PMP22: variants seen among roughly 807,000 people sequenced by gnomAD.
PMP22 encodes the protein peripheral myelin protein 22.
A neutral mutation model predicts 18.9 loss-of-function variants in PMP22; 2 were observed. That is an observed-to-expected ratio of 0.11 (90% CI 0.04 to 0.33). The LOEUF (loss-of-function observed/expected upper bound fraction) is 0.33. Among genes scored for constraint, PMP22 ranks in the 10% least tolerant of loss-of-function variants. PMP22 has a pLI of 1.00. For synonymous variants in PMP22, 95 were observed against 89.2 expected, an observed-to-expected ratio of 1.07 and a Z score of -0.37; for missense variants, 169 against 202.2, an observed-to-expected ratio of 0.84 and a Z score of 1.00.
chr17:15,264,788 G>C (rs558247890), intron 1 of PMP22, among the ~76,000 whole-genome samples: 5 of 152,250 alleles, frequency 3.3e-5, no homozygotes, highest in Admixed American at 6.5e-5. Flanking sequence ...AGCCCGGCTG[G>C]CCAAGGCTCT....
chr17:15,259,895 G>T (rs1909159260), intron 2 of PMP22, among the ~76,000 whole-genome samples: 2 of 147,642 alleles, frequency 1.4e-5, no homozygotes, highest in South Asian at 4.3e-4. Flanking sequence ...CCAAGATCAT[G>T]GCACTGCACT....
chr17:15,244,296 C>G (rs1907600846), intron 3 of PMP22, among the ~76,000 whole-genome samples: 1 of 152,058 alleles, frequency 6.6e-6, no homozygotes, highest in African/African-American at 2.4e-5. Flanking sequence ...TAAGTGATAG[C>G]TACCTGCAGA....
intron 4 of PMP22, among the ~76,000 whole-genome samples, chr17:15,237,144 G>A (rs940461449): frequency 1.3e-5 from 2 of 152,212 alleles, no homozygotes; most frequent in Non-Finnish European, 2.9e-5. Flanking sequence ...TGACTTTGGA[G>A]GAGAATGAAA....
intron 4 of PMP22, among the ~76,000 whole-genome samples, chr17:15,235,667 TC>T (rs1328518771): frequency 2.6e-5 from 4 of 152,160 alleles, no homozygotes; most frequent in Admixed American, 6.5e-5. Flanking sequence ...TAAATGCACA[TC>T]AGAGTCACCT....
chr17:15,231,220 T>C (rs551680193), intron 4 of PMP22, 140 bp from the exon 5 acceptor site: 2 of 857,102 alleles, frequency 2.3e-6, no homozygotes, highest in African/African-American at 1.7e-5. Context: ...AGGTCCAGAA[T>C]TGAAAGGAGG....
intron 3 of PMP22, among the ~76,000 whole-genome samples, chr17:15,252,902 G>T: frequency 6.6e-6 from 1 of 152,290 alleles, no homozygotes; most frequent in South Asian, 2.1e-4. Context: ...CTCCCAAGCC[G>T]CCTGTGGCTT....
chr17:15,239,363 G>A, intron 4 of PMP22, 108 bp downstream of exon 4: 1 of 1,255,238 alleles, frequency 8.0e-7, no homozygotes, highest in Non-Finnish European at 1.2e-6. Context: ...CCAGTGGGGA[G>A]ACTCATGAAC....
At position 15,239,655 on chromosome 17, in the gene PMP22, G is replaced by C. The variant is rs1242605594; in HGVS notation, c.179-44C>G. On this transcript the variant is annotated intron_variant, in intron 3 of 4. Coordinates refer to ENST00000312280, the MANE Select transcript of PMP22 (RefSeq NM_000304.4). ...TGGTTAGGAGAGCTGGCCATGGCCG[G>C]GGGAGGGCTCTGCCTCGAGGTGCAG... 4 of 1,610,660 alleles carry C rather than the reference G, an allele frequency of 2.5e-6. No homozygotes were observed. In the East Asian group the frequency reaches 8.9e-5, roughly 36 times the overall value.
At chr17:15,235,290 G>C in intron 4 of PMP22, 1 of 717,460 alleles carries the variant, frequency 1.4e-6, no homozygotes, top group Non-Finnish European at 2.6e-6. Flanking sequence ...TGATTCTGCC[G>C]AGGAAACACA....
At chr17:15,253,594 C>G (rs949520655) in intron 3 of PMP22, among the ~76,000 whole-genome samples, 9 of 152,068 alleles carry the variant, frequency 5.9e-5, no homozygotes, top group Non-Finnish European at 1.0e-4. Flanking sequence ...TCCATGTGCA[C>G]CCAACTCCTT....
intron 3 of PMP22, among the ~76,000 whole-genome samples, chr17:15,250,053 C>A (rs1344052979): frequency 1.3e-5 from 2 of 152,080 alleles, no homozygotes; most frequent in African/African-American, 2.4e-5. Context: ...GTAGCTGGGA[C>A]TACAGGCACC....
intron 3 of PMP22, among the ~76,000 whole-genome samples, chr17:15,245,732 GCGC>G (rs1907741870): frequency 6.6e-6 from 1 of 152,082 alleles, no homozygotes; most frequent in Non-Finnish European, 1.5e-5. Context: ...CACAGGCCGG[GCGC>G]AGTGGGTCAC....
chr17:15,240,804 C>T (rs1174025709), intron 3 of PMP22, among the ~76,000 whole-genome samples: 1 of 152,166 alleles, frequency 6.6e-6, no homozygotes, highest in Non-Finnish European at 1.5e-5. Context: ...CAGTAACTGC[C>T]ATATGTAATG....
At chr17:15,262,526 G>C (rs1432670830) in intron 1 of PMP22, 1 of 152,328 alleles carries the variant, frequency 6.6e-6, no homozygotes, top group Non-Finnish European at 1.5e-5. Context: ...TGCGCTGCGG[G>C]GCTGCGCGCG....
chr17:15,259,110 G>A lies in PMP22; in HGVS notation c.162C>T (p.Phe54=). 6.2e-7 allele frequency: 1 copy of A among 1,613,200 alleles called. No homozygotes were observed. Among genetic ancestry groups the A allele is most frequent in the African/African-American group, 1.3e-5 (1 of 75,046 alleles). Residue 54 remains phenylalanine (F), a synonymous_variant, in exon 3 of 5, where the codon TTC becomes TTT. Transcript: ENST00000312280. ...CAGCCTCACCGTTTGGTGATGATGA[G>A]AAACAGTGGTGGACATTTCCTGAGG... ...TSSSGNVHHC[F]SSSPNEWLQS... is the part of the protein sequence containing the mutation.
At chr17:15,236,442 A>G (rs1906825434) in intron 4 of PMP22, among the ~76,000 whole-genome samples, 1 of 152,086 alleles carries the variant, frequency 6.6e-6, no homozygotes, top group African/African-American at 2.4e-5. Context: ...CCTCACAGCC[A>G]CTTCCGGAGA....
rs1909022204 is a variant in PMP22 at position 15,258,464 on chromosome 17, C to T, written c.178+630G>A. 6.6e-6 allele frequency among the ~76,000 whole-genome samples: 1 copy of T among 152,064 alleles called. No homozygotes were observed. Among genetic ancestry groups the T allele is most frequent in the Non-Finnish European group, 1.5e-5 (1 of 68,024 alleles). On this transcript the variant is annotated intron_variant, in intron 3 of 4. Coordinates refer to ENST00000312280, the MANE Select transcript of PMP22 (RefSeq NM_000304.4). The surrounding 1 kb of genome is among the most constrained non-coding windows in gnomAD (Gnocchi z 4.1). ...AAGCCTGGCTTCCATATCTCACAAGCAAAGATGCTGAGGACAGAGGAGAAA... is the reference window on the plus strand; with the variant it reads ...AAGCCTGGCTTCCATATCTCACAAGTAAAGATGCTGAGGACAGAGGAGAAA...
chr17:15,254,820 G>A (rs575038567), intron 3 of PMP22, among the ~76,000 whole-genome samples: 38 of 152,268 alleles, frequency 2.5e-4, no homozygotes, highest in African/African-American at 6.0e-4. Context: ...TTAGCCAAGC[G>A]TGGTGGCGCA....
At chr17:15,251,978 T>A (rs231030) in intron 3 of PMP22, among the ~76,000 whole-genome samples, 1 of 151,814 alleles carries the variant, frequency 6.6e-6, no homozygotes, top group Non-Finnish European at 1.5e-5. Context: ...TCCTGGCATG[T>A]TGACAACACA....
Sources: allele counts gnomAD v4.1 joint callset (sites outside exome capture counted in the v4.1 genomes callset), GRCh38; gene constraint gnomAD v4.1.1; non-coding constraint Gnocchi (gnomAD v3.1); transcripts MANE v1.5; gene names NCBI Gene and HGNC (gene_info 2026-07-23, HGNC 2026-07-21).